Variants in QSOX2 observed in about 807,000 individuals in gnomAD.
QSOX2 encodes the protein sulfhydryl oxidase 2.
QSOX2 carries 46 observed loss-of-function variants against 61.7 expected under a neutral mutation model. The ratio of observed to expected loss-of-function variants is 0.75; its 90% CI spans 0.59 to 0.95. QSOX2 has a LOEUF of 0.95. Ranked by LOEUF, QSOX2 falls within the 40% of genes least tolerant of loss-of-function variation. The pLI is 0.00. For synonymous variants in QSOX2, 383 were observed against 388.4 expected, an observed-to-expected ratio of 0.99 and a Z score of 0.16; for missense variants, 879 against 918.9, an observed-to-expected ratio of 0.96 and a Z score of 0.56.
intron 3 of QSOX2, among the ~76,000 whole-genome samples, chr9:136,224,553 G>A (rs977677160): frequency 6.6e-6 from 1 of 152,208 alleles, no homozygotes; most frequent in African/African-American, 2.4e-5. Context: ...TCGGCTGGGT[G>A]GGATCATTTG....
chr9:136,245,537 C>T lies in QSOX2; in HGVS notation c.267G>A (p.Ser89=), dbSNP rs1830465975. Residue 89 remains serine, a synonymous_variant, in exon 1 of 12, where the codon TCG becomes TCA. Coordinates refer to ENST00000358701, the MANE Select transcript of QSOX2 (RefSeq NM_181701.4). ...SAAWLVQFYS[S]WCGHCIGYAP... is the part of the protein sequence containing the mutation. The stretch of plus-strand genomic sequence containing the variant: ...CGTAGCCGATGCAGTGGCCACACCA[C>T]GACGAGTAGAACTGCACGAGCCACG... The T allele has an allele frequency of 6.3e-7, 1 of 1,593,510 alleles. No homozygotes were observed. The highest frequency in any genetic ancestry group is 8.5e-7 in the Non-Finnish European group (1 of 1,177,284).
chr9:136,243,587 T>C (rs1830448962), intron 1 of QSOX2, among the ~76,000 whole-genome samples: 1 of 152,240 alleles, frequency 6.6e-6, no homozygotes, highest in Non-Finnish European at 1.5e-5. Context: ...CTAAAATGTA[T>C]AAAATCAAAT....
chr9:136,236,924 AGCCCGTCCTGGGCCTGCATCACCTGGT>A (rs1447729940), intron 1 of QSOX2, among the ~76,000 whole-genome samples: 6 of 139,110 alleles, frequency 4.3e-5, no homozygotes, highest in Non-Finnish European at 1.5e-5. Context: ...CCACACCTGG[AGCCCGTCCTGGGCCTGCATCACCTGGT>A]GCCCGTCCTG....
chr9:136,240,744 T>C (rs151079640), intron 1 of QSOX2, among the ~76,000 whole-genome samples: 265 of 152,344 alleles, frequency 1.7e-3, no homozygotes, highest in Middle Eastern at 6.8e-3. Flanking sequence ...GGTCGCCTCA[T>C]CTGGGGACTG....
intron 1 of QSOX2, among the ~76,000 whole-genome samples, chr9:136,228,226 T>C (rs1379241536): frequency 6.6e-6 from 1 of 152,122 alleles, no homozygotes; most frequent in Non-Finnish European, 1.5e-5. Flanking sequence ...AATGCATTAA[T>C]GCACCAGGGC....
chr9:136,238,804 G>A (rs1830412015), intron 1 of QSOX2, among the ~76,000 whole-genome samples: 1 of 152,242 alleles, frequency 6.6e-6, no homozygotes, highest in African/African-American at 2.4e-5. Context: ...GCATCTGCCT[G>A]CTGCCGGGCC....
chr9:136,226,628 C>T (rs1371673138), intron 2 of QSOX2, 146 bp downstream of exon 2: 9 of 740,556 alleles, frequency 1.2e-5, no homozygotes, highest in South Asian at 7.6e-5. Context: ...ACAATTCCTA[C>T]GAAGTTCCAA....
intron 10 of QSOX2, among the ~76,000 whole-genome samples, chr9:136,213,253 T>G (rs939834623): frequency 8.8e-5 from 13 of 148,084 alleles, no homozygotes; most frequent in Non-Finnish European, 1.4e-4. Context: ...GTTTTTTTTT[T>G]TTTTTTTTTT....
Position 136,215,230 on chromosome 9 carries a change from G to A in QSOX2, c.1284C>T (p.Tyr428=), listed in dbSNP as rs1237324246. 4 of 1,614,084 alleles carry A rather than the reference G, an allele frequency of 2.5e-6. No individual in the cohort carries two copies. In the Admixed American group the frequency reaches 5.0e-5, roughly 20 times the overall value. The part of the protein sequence containing the change: ...CQGSRSELRG[Y]PCSLWKLFHT... ...GGAACAGTTTCCAGAGAGAACACGGGTAACCCCTCAACTCAGATCGGCTTC... is the reference window on the plus strand; with the variant it reads ...GGAACAGTTTCCAGAGAGAACACGGATAACCCCTCAACTCAGATCGGCTTC... The change falls in exon 10 of 12, where the codon TAC becomes TAT. Residue 428 remains tyrosine (Y), a synonymous_variant. Transcript: ENST00000358701.
intron 1 of QSOX2, among the ~76,000 whole-genome samples, chr9:136,243,219 T>C (rs1209140231): frequency 6.6e-6 from 1 of 152,260 alleles, no homozygotes; most frequent in Non-Finnish European, 1.5e-5. Context: ...GAAATGGTCC[T>C]GCAAAGCTGT....
At chr9:136,213,546 G>C (rs1051810167) in intron 10 of QSOX2, among the ~76,000 whole-genome samples, 19 of 151,642 alleles carry the variant, frequency 1.3e-4, no homozygotes, top group African/African-American at 2.7e-4. Flanking sequence ...AAAAGGATTT[G>C]AGGTTAAAAC....
Position 136,218,818 on chromosome 9 carries a change from G to C in QSOX2, c.957-10C>G. ...CGTGTACAGCTTCGACCTAGGACGG[G>C]ATATGGCAGCGTCAGGGAATGCCCA... On this transcript the variant is annotated splice_polypyrimidine_tract_variant and intron_variant, in intron 7 of 11. Coordinates refer to ENST00000358701, the MANE Select transcript of QSOX2 (RefSeq NM_181701.4). 6.2e-7 allele frequency: 1 copy of C among 1,610,556 alleles called. No homozygotes were observed. Among genetic ancestry groups the C allele is most frequent in the Non-Finnish European group, 8.5e-7 (1 of 1,178,054 alleles).
chr9:136,232,142 T>C (rs763267787), intron 1 of QSOX2, among the ~76,000 whole-genome samples: 14 of 152,142 alleles, frequency 9.2e-5, no homozygotes, highest in Non-Finnish European at 2.1e-4. Context: ...ATCCACGTTA[T>C]AAGGAAATGA....
chr9:136,209,620 T>G lies in QSOX2; in HGVS notation c.1550-345A>C, dbSNP rs1831821548. On this transcript the variant is annotated intron_variant, in intron 11 of 11. Coordinates refer to ENST00000358701, the MANE Select transcript of QSOX2 (RefSeq NM_181701.4). The surrounding 1 kb of genome is among the most constrained non-coding windows in gnomAD (Gnocchi z 5.6). ...CAAAACGGAGCATGCAGCTCTCACC[T>G]GGAGGCCTTTCTCCGCACAGTGCTG... The G allele has an allele frequency of 1.0e-6, 1 of 985,164 alleles. No individual in the cohort carries two copies. Among genetic ancestry groups the G allele is most frequent in the South Asian group, 4.7e-5 (1 of 21,292 alleles). 61.0% of individuals were successfully genotyped at this position (985,164 alleles called of 1,614,324 possible).
Position 136,221,736 on chromosome 9 carries a change from G to C in QSOX2, c.821+60C>G, listed in dbSNP as rs1831983207. The C allele has an allele frequency of 4.6e-6, 7 of 1,509,308 alleles. No individual in the cohort carries two copies. Among genetic ancestry groups the C allele is most frequent in the Middle Eastern group, 1.9e-4 (1 of 5,196 alleles). The allele number at this position is 1,509,308 out of a possible 1,614,324, so 93.5% of individuals were successfully genotyped here. On this transcript the variant is annotated intron_variant, in intron 6 of 11. Coordinates refer to ENST00000358701, the MANE Select transcript of QSOX2 (RefSeq NM_181701.4). This position sits in a 1 kb window ranked among gnomAD's most constrained non-coding sequence, Gnocchi z 4.5. ...ACACCAGACTTGCACTGTCTACTCG[G>C]AGCCTCTGTCCGGTAACTCCGAGCG...
At chr9:136,229,156 G>C (rs1321984257) in intron 1 of QSOX2, among the ~76,000 whole-genome samples, 1 of 152,262 alleles carries the variant, frequency 6.6e-6, no homozygotes, top group Non-Finnish European at 1.5e-5. Context: ...CGCTGGCTAA[G>C]TGAAACCAAT....
At chr9:136,227,802 C>T (rs775310239) in intron 1 of QSOX2, among the ~76,000 whole-genome samples, 3 of 152,054 alleles carry the variant, frequency 2.0e-5, no homozygotes, top group Admixed American at 1.3e-4. Context: ...TGGTAAAACC[C>T]TGTCTCTAAA....
rs752276076 is a variant in QSOX2, at chr9:136,216,717, G to A, written c.1092C>T (p.Phe364=). 60 of 1,613,368 alleles carry A rather than the reference G, an allele frequency of 3.7e-5. No homozygotes were observed. The highest frequency in any genetic ancestry group is 4.9e-5 in the Non-Finnish European group (58 of 1,179,932). ...GCTTCTTGACTGGCGGCCGTCCAGG[G>A]AACAGCTGCATGAGGAAGGAGCCAC... ...KDFVTVLAKL[F]PGRPPVKKLL... is the part of the protein sequence containing the mutation. The change falls in exon 9 of 12, where the codon TTC becomes TTT. Residue 364 remains phenylalanine, a synonymous_variant. Coordinates refer to ENST00000358701, the MANE Select transcript of QSOX2 (RefSeq NM_181701.4).
rs1206208770 is a variant in QSOX2 at position 136,224,105 on chromosome 9, G to T, written c.486C>A (p.Asp162Glu). The change falls in exon 4 of 12, where the codon GAC (aspartate) becomes GAA (glutamate). Residue 162 changes from aspartate to glutamate, a missense_variant. By Grantham distance (45) the Asp-to-Glu change is conservative. Transcript: ENST00000358701. Reference sequence around the variant, plus strand: ...TCTGTCTGACTGTTCGCAGCTCTCGGTCAGGTCCTGCCGGAAGCACACCAG... The same window carrying T: ...TCTGTCTGACTGTTCGCAGCTCTCGTTCAGGTCCTGCCGGAAGCACACCAG... ...FTTGENFKGP[D>E]RELRTVRQTM... 1.2e-6 allele frequency: 2 copies of T among 1,613,674 alleles called. No homozygotes were observed. Among genetic ancestry groups the T allele is most frequent in the East Asian group, 4.5e-5 (2 of 44,878 alleles).
Sources: gnomAD v4.1 joint callset for allele counts (sites outside exome capture counted in the v4.1 genomes callset) on GRCh38, gnomAD v4.1.1 for gene constraint, Gnocchi (gnomAD v3.1) non-coding constraint, MANE v1.5 for transcripts, NCBI Gene and HGNC (gene_info 2026-07-23, HGNC 2026-07-21) for gene names.